Variants in DARS1 observed in about 807,000 individuals in gnomAD.
The protein encoded by DARS1 is aspartate--tRNA ligase, cytoplasmic.
Under a neutral mutation model 68.8 loss-of-function variants are expected in DARS1, and 51 were observed. That is an observed-to-expected ratio of 0.74 (90% CI 0.59 to 0.94). The LOEUF is 0.94. Ranked by LOEUF, DARS1 falls within the 40% of genes least tolerant of loss-of-function variation. The pLI is 0.00. For synonymous variants in DARS1, 203 were observed against 190.4 expected (o/e 1.07, Z -0.55); for missense variants, 607 against 597.3 (o/e 1.02, Z -0.17).
chr2:135,951,791 C>T (rs1681843985), intron 4 of DARS1, among the ~76,000 whole-genome samples: 1 of 152,208 alleles, frequency 6.6e-6, no homozygotes. Context: ...GACACTGTTC[C>T]TTCCATCACT....
chr2:135,980,244 T>G (rs917924066), intron 2 of DARS1, among the ~76,000 whole-genome samples: 3 of 152,212 alleles, frequency 2.0e-5, no homozygotes, highest in Non-Finnish European at 2.9e-5. Flanking sequence ...AAAACAACTG[T>G]TATGTAAAGA....
chr2:135,921,325 C>T (rs1316580947), intron 9 of DARS1, among the ~76,000 whole-genome samples: 1 of 151,602 alleles, frequency 6.6e-6, no homozygotes, highest in Non-Finnish European at 1.5e-5. Flanking sequence ...TAATCCTAAC[C>T]TATATTTCTC....
intron 3 of DARS1, among the ~76,000 whole-genome samples, chr2:135,964,456 C>T (rs1682173395): frequency 6.6e-6 from 1 of 151,946 alleles, no homozygotes; most frequent in South Asian, 2.1e-4. Context: ...TAAGTAGAAC[C>T]CGGGAAGTTT....
chr2:135,985,319 G>A, intron 1 of DARS1, 84 bp downstream of exon 1: 1 of 1,530,330 alleles, frequency 6.5e-7, no homozygotes, highest in Non-Finnish European at 8.8e-7. Context: ...AGGACCTGTA[G>A]GGCCCCACTC....
At chr2:135,939,461 T>C (rs1445957344) in intron 5 of DARS1, among the ~76,000 whole-genome samples, 2 of 152,138 alleles carry the variant, frequency 1.3e-5, no homozygotes, top group African/African-American at 4.8e-5. Context: ...TTGAAATCAA[T>C]GAGAACAAAG....
At chr2:135,981,416 C>T (rs1349823874) in intron 2 of DARS1, among the ~76,000 whole-genome samples, 4 of 152,064 alleles carry the variant, frequency 2.6e-5, no homozygotes, top group Admixed American at 1.3e-4. Flanking sequence ...ATTCCTAACC[C>T]GAAAACCCGG....
chr2:135,914,818 A>G (rs1016420298), intron 11 of DARS1: 1 of 231,676 alleles, frequency 4.3e-6, no homozygotes, highest in Non-Finnish European at 8.5e-6. Context: ...ACACATAATA[A>G]AAGTTCGCTA....
intron 3 of DARS1, among the ~76,000 whole-genome samples, chr2:135,975,836 C>T (rs1225808612): frequency 6.7e-6 from 1 of 150,216 alleles, no homozygotes; most frequent in Non-Finnish European, 1.5e-5. Context: ...GTAATCCCAG[C>T]TACTTGGGAG....
intron 5 of DARS1, among the ~76,000 whole-genome samples, chr2:135,937,054 A>G (rs1481051043): frequency 1.3e-5 from 2 of 152,050 alleles, no homozygotes; most frequent in East Asian, 1.9e-4. Context: ...TGGCAGGGTT[A>G]TTTCAATAGT....
At chr2:135,977,225 G>T (rs1229393234) in intron 3 of DARS1, among the ~76,000 whole-genome samples, 1 of 152,176 alleles carries the variant, frequency 6.6e-6, no homozygotes, top group Non-Finnish European at 1.5e-5. Flanking sequence ...TATAAGCTAG[G>T]TATTAATATA....
chr2:135,974,490 G>A (rs1473463313), intron 3 of DARS1, among the ~76,000 whole-genome samples: 1 of 152,198 alleles, frequency 6.6e-6, no homozygotes, highest in East Asian at 1.9e-4. Flanking sequence ...GGGAAGAAAT[G>A]CTAGAAAAAG....
At chr2:135,911,092 A>G in intron 15 of DARS1, 47 bp downstream of exon 15, 2 of 819,734 alleles carry the variant, frequency 2.4e-6, no homozygotes, top group Non-Finnish European at 4.1e-6. Context: ...AATTTGTATT[A>G]TACTTAGAAC....
At chr2:135,950,524 A>C (rs1681818393) in intron 4 of DARS1, among the ~76,000 whole-genome samples, 2 of 152,162 alleles carry the variant, frequency 1.3e-5, no homozygotes, top group African/African-American at 4.8e-5. Flanking sequence ...TTTTTGTTTT[A>C]TTTAAGCAAC....
At chr2:135,973,619 C>G (rs1350858683) in intron 3 of DARS1, among the ~76,000 whole-genome samples, 2 of 152,044 alleles carry the variant, frequency 1.3e-5, no homozygotes, top group African/African-American at 4.8e-5. Flanking sequence ...CTTTGGGAGG[C>G]TGAGGTGGAT....
chr2:135,979,305 T>A lies in DARS1; in HGVS notation c.186A>T (p.Val62=). 1 of 1,503,120 alleles carries A rather than the reference T, an allele frequency of 6.7e-7. No individual in the cohort carries two copies. The highest frequency in any genetic ancestry group is 9.3e-7 in the Non-Finnish European group (1 of 1,078,472). 93.1% of individuals were successfully genotyped at this position (1,503,120 alleles called of 1,614,324 possible). A position where few individuals can be genotyped will look rare whatever the true frequency, so the allele number is the denominator to read the frequency against. Residue 62 remains valine, a synonymous_variant, in exon 3 of 16, where the codon GTA becomes GTT. Transcript: ENST00000264161. The part of the protein sequence containing the change: ...TIQKADEVVW[V]RARVHTSRAK... ...CTCTGCTTGTATGAACTCTTGCACGTACCCAAACAACTTCATCAGCTTTTT... is the reference window on the plus strand; with the variant it reads ...CTCTGCTTGTATGAACTCTTGCACGAACCCAAACAACTTCATCAGCTTTTT...
chr2:135,914,743 C>A, intron 11 of DARS1: 1 of 431,662 alleles, frequency 2.3e-6, no homozygotes, highest in Non-Finnish European at 4.3e-6. Flanking sequence ...TTAATTAAAG[C>A]AATAAACAGA....
intron 4 of DARS1, among the ~76,000 whole-genome samples, chr2:135,945,916 T>G (rs1392992517): frequency 6.6e-6 from 1 of 152,212 alleles, no homozygotes; most frequent in East Asian, 1.9e-4. Flanking sequence ...CTGTTAAAAA[T>G]CATAACCTAT....
intron 4 of DARS1, among the ~76,000 whole-genome samples, chr2:135,947,285 G>C (rs528727273): frequency 1.5e-3 from 233 of 151,970 alleles, no homozygotes; most frequent in African/African-American, 5.5e-3. Context: ...GCGTGGCCCT[G>C]TAGCCCCAGC....
chr2:135,918,321 TAC>T (rs1681047266), intron 10 of DARS1, among the ~76,000 whole-genome samples: 1 of 152,288 alleles, frequency 6.6e-6, no homozygotes, highest in East Asian at 1.9e-4. Context: ...TACTTTAAAA[TAC>T]ATTTATATAT....
Sources: allele counts gnomAD v4.1 joint callset (sites outside exome capture counted in the v4.1 genomes callset), GRCh38; gene constraint gnomAD v4.1.1; transcripts MANE v1.5; gene names NCBI Gene and HGNC (gene_info 2026-07-23, HGNC 2026-07-21).